Variants in WDR33 observed in about 807,000 individuals in gnomAD.
The protein encoded by WDR33 is pre-mRNA 3' end processing protein WDR33.
A neutral mutation model predicts 164.9 loss-of-function variants in WDR33; 47 were observed. That is an observed-to-expected ratio of 0.29 (90% confidence interval 0.23 to 0.36). WDR33 has a LOEUF of 0.36. WDR33 is among the 10% of genes least tolerant of loss of function. The probability of loss-of-function intolerance (pLI) is 1.00; values close to 1 mark genes in which losing one functional copy is unlikely to be tolerated. For missense variants in WDR33, 1,137 were observed against 1,754.1 expected, an observed-to-expected ratio of 0.65 and a Z score of 6.28; for synonymous variants, 505 against 589.0, an observed-to-expected ratio of 0.86 and a Z score of 2.06.
At chr2:127,804,932 C>T (rs552638768) in intron 1 of WDR33, among the ~76,000 whole-genome samples, 6 of 152,232 alleles carry the variant, frequency 3.9e-5, no homozygotes, top group Non-Finnish European at 7.4e-5. Context: ...ATCCAATGGA[C>T]ACATTAACCA....
At chr2:127,781,566 T>G (rs1688370252) in intron 1 of WDR33, among the ~76,000 whole-genome samples, 1 of 152,188 alleles carries the variant, frequency 6.6e-6, no homozygotes, top group Non-Finnish European at 1.5e-5. Context: ...TGGGAGAAAC[T>G]GGGTAACATA....
At position 127,764,265 on chromosome 2, in the gene WDR33, C is replaced by T; in HGVS notation, c.626+563G>A. On this transcript the variant is annotated intron_variant, in intron 6 of 21. Transcript: ENST00000322313. The surrounding 1 kb of genome is among the most constrained non-coding windows in gnomAD (Gnocchi z 6.2). ...GTCCTAGAGTCTTCTTGACAATGAT[C>T]TGCTTACAGCTGCAAAGCTTGAAGA... 1 of 1,212,168 alleles carries T rather than the reference C, an allele frequency of 8.2e-7. No homozygotes were observed. The highest frequency in any genetic ancestry group is 2.9e-5 in the South Asian group (1 of 34,202). The allele number at this position is 1,212,168 out of a possible 1,614,324, so 75.1% of individuals were successfully genotyped here. A position where few individuals can be genotyped will look rare whatever the true frequency, so the allele number is the denominator to read the frequency against.
At position 127,717,244 on chromosome 2, in the gene WDR33, G is replaced by A. The variant is rs191991572; in HGVS notation, c.2780C>T (p.Pro927Leu). 20 of 1,600,444 alleles carry A rather than the reference G, an allele frequency of 1.2e-5. No homozygotes were observed. The Admixed American group carries it at 3.0e-4, about 24-fold the overall frequency. The part of the protein sequence containing the change: ...PFNQEGQSTG[P>L]PPLIPGLGQQ... ...CCCTAGGCCTGGTATCAGGGGTGGG[G>A]GGCCTGTGCTCTGTCCTTCCTGAAA... The change falls in exon 17 of 22, where the codon CCC (proline) becomes CTC (leucine). Residue 927 changes from proline to leucine, a missense_variant. Physicochemically the swap from Pro to Leu is moderately conservative, Grantham distance 98. Around this residue, in one of 9 missense-constraint regions of WDR33, gnomAD observed 867 missense variants for 1,073.0 expected, o/e 0.81. Transcript: ENST00000322313. This position sits in a 1 kb window ranked among gnomAD's most constrained non-coding sequence, Gnocchi z 5.6.
rs1279774968 is a variant in WDR33, at chr2:127,709,706, C to A, written c.3459G>T (p.Arg1153=). Residue 1153 remains arginine, a synonymous_variant, in exon 19 of 22, where the codon CGG becomes CGT. Transcript: ENST00000322313. This position sits in a 1 kb window ranked among gnomAD's most constrained non-coding sequence, Gnocchi z 5.0. ...TAACTCGCTCACCTCGTGGGGTACCCCGACCTCGACCTCTGAGATCTCGTC... is the reference window on the plus strand; with the variant it reads ...TAACTCGCTCACCTCGTGGGGTACCACGACCTCGACCTCTGAGATCTCGTC... ...ARGRDLRGRG[R]GTPRGGRKGL... The A allele has an allele frequency of 5.0e-6, 8 of 1,614,238 alleles. No individual in the cohort carries two copies. The highest frequency in any genetic ancestry group is 6.8e-6 in the Non-Finnish European group (8 of 1,180,050).
rs1456095586 is a variant in WDR33 at position 127,735,910 on chromosome 2, A to C, written c.725-9133T>G. On this transcript the variant is annotated intron_variant, in intron 7 of 21. Transcript: ENST00000322313. The surrounding 1 kb of genome is among the most constrained non-coding windows in gnomAD (Gnocchi z 4.3). ...TTTGTTGTCCAGTCTAGAAAGTTAC[A>C]TCAGTGAAAAACTATAGAATTAAAT... 1 of 985,354 alleles carries C rather than the reference A, an allele frequency of 1.0e-6. No homozygotes were observed. Among genetic ancestry groups the C allele is most frequent in the Non-Finnish European group, 1.2e-6 (1 of 829,936 alleles). 61.0% of individuals were successfully genotyped at this position (985,354 alleles called of 1,614,324 possible).
chr2:127,713,674 G>A lies in WDR33; in HGVS notation c.3217C>T (p.Pro1073Ser), dbSNP rs145945303. The A allele has an allele frequency of 2.5e-5, 41 of 1,614,096 alleles. No individual in the cohort carries two copies. In the African/African-American group the frequency reaches 4.3e-4, roughly 17 times the overall value. Residue 1073 changes from proline (P) to serine (S), a missense_variant, in exon 18 of 22, where the codon CCT (proline) becomes TCT (serine). Coordinates refer to ENST00000322313, the MANE Select transcript of WDR33 (RefSeq NM_018383.5). The surrounding 1 kb of genome is among the most constrained non-coding windows in gnomAD (Gnocchi z 6.2). ...CTGCGGCCTTCCCATGCCCCCGGAG[G>A]GCCTCGGGCTGCACCCCGGCCATCC... is the stretch of plus-strand genomic sequence containing the variant. ...EGDGRGAARG[P>S]PGAWEGRRPG...
In WDR33 at chr2:127,720,601, G is replaced by A. The variant is rs188356108; in HGVS notation, c.1672-248C>T. ...TTTTTTTTCCTTATTTTTTTTTTCTGTCCCCCAAGCTGGAATGCAGTGGTA... is the reference window on the plus strand; with the variant it reads ...TTTTTTTTCCTTATTTTTTTTTTCTATCCCCCAAGCTGGAATGCAGTGGTA... On this transcript the variant is annotated intron_variant, in intron 15 of 21. Transcript: ENST00000322313. This position sits in a 1 kb window ranked among gnomAD's most constrained non-coding sequence, Gnocchi z 5.9. Among the ~76,000 whole-genome samples the A allele has an allele frequency of 1.7e-3, 253 of 147,116 alleles. 1 individual carries two copies. The highest frequency in any genetic ancestry group is 5.7e-3 in the African/African-American group (227 of 39,814).
intron 1 of WDR33, among the ~76,000 whole-genome samples, chr2:127,788,525 G>A (rs1439754608): frequency 1.8e-5 from 2 of 112,126 alleles, no homozygotes; most frequent in Non-Finnish European, 3.6e-5. Context: ...TGGGGGGGCT[G>A]ACCCCCCCAT....
chr2:127,782,288 A>G (rs1238224928), intron 1 of WDR33, among the ~76,000 whole-genome samples: 1 of 151,882 alleles, frequency 6.6e-6, no homozygotes, highest in Non-Finnish European at 1.5e-5. Context: ...CACATCTGTA[A>G]TATCAGCTAC....
intron 7 of WDR33, among the ~76,000 whole-genome samples, chr2:127,750,957 C>G (rs894800585): frequency 4.0e-5 from 6 of 151,608 alleles, no homozygotes; most frequent in African/African-American, 1.5e-4. Flanking sequence ...AGTGAATACT[C>G]TTGATAAATT....
chr2:127,768,730 A>T (rs557816154), intron 3 of WDR33, among the ~76,000 whole-genome samples: 11 of 152,304 alleles, frequency 7.2e-5, no homozygotes, highest in African/African-American at 2.4e-4. Context: ...TTCACCCATC[A>T]TTAGATTAAA....
chr2:127,724,285 T>C lies in WDR33; in HGVS notation c.1196+48A>G, dbSNP rs1686510876. Reference sequence around the variant, plus strand: ...TAAAAATAAACACATACAGTATTTATTTCCTGTTGCTCCATATAAAGCTTT... The same window carrying C: ...TAAAAATAAACACATACAGTATTTACTTCCTGTTGCTCCATATAAAGCTTT... On this transcript the variant is annotated intron_variant, in intron 11 of 21. Transcript: ENST00000322313. This position sits in a 1 kb window ranked among gnomAD's most constrained non-coding sequence, Gnocchi z 4.8. 7.1e-7 allele frequency: 1 copy of C among 1,413,030 alleles called. No homozygotes were observed. Among genetic ancestry groups the C allele is most frequent in the East Asian group, 2.3e-5 (1 of 43,734 alleles). The allele number at this position is 1,413,030 out of a possible 1,614,324, so 87.5% of individuals were successfully genotyped here. A position where few individuals can be genotyped will look rare whatever the true frequency, so the allele number is the denominator to read the frequency against.
chr2:127,726,441 G>C lies in WDR33; in HGVS notation c.851+210C>G, dbSNP rs943812767. ...TATATAACAACCAAATTAAACTTAG[G>C]TCTATGTGGCAGGACAAAAACAAGC... On this transcript the variant is annotated intron_variant, in intron 8 of 21. Coordinates refer to ENST00000322313, the MANE Select transcript of WDR33 (RefSeq NM_018383.5). This position sits in a 1 kb window ranked among gnomAD's most constrained non-coding sequence, Gnocchi z 4.8. Among the ~76,000 whole-genome samples the C allele has an allele frequency of 6.6e-6, 1 of 152,104 alleles. No homozygotes were observed. Among genetic ancestry groups the C allele is most frequent in the Non-Finnish European group, 1.5e-5 (1 of 68,018 alleles).
chr2:127,760,640 A>C (rs1421026906), intron 7 of WDR33, among the ~76,000 whole-genome samples: 1 of 152,228 alleles, frequency 6.6e-6, no homozygotes, highest in Non-Finnish European at 1.5e-5. Flanking sequence ...GGAATCTAAT[A>C]ACTCTTCTCC....
At chr2:127,771,787 AGGAGGGAG>A (rs551989792) in intron 1 of WDR33, among the ~76,000 whole-genome samples, 10 of 128,546 alleles carry the variant, frequency 7.8e-5, no homozygotes, top group Non-Finnish European at 9.8e-5. Context: ...GAAAGAAGGA[AGGAGGGAG>A]GGAGGGAGGG....
intron 7 of WDR33, among the ~76,000 whole-genome samples, chr2:127,750,768 A>ATATG (rs1687333753): frequency 7.1e-6 from 1 of 140,560 alleles, no homozygotes; most frequent in Non-Finnish European, 1.5e-5. Context: ...ACATACATAT[A>ATATG]TATACACATA....
At chr2:127,711,751 G>GATATATATATATCTATATATATAT (rs1686170226) in intron 18 of WDR33, among the ~76,000 whole-genome samples, 1 of 71,636 alleles carries the variant, frequency 1.4e-5, no homozygotes, top group Non-Finnish European at 2.3e-5. Flanking sequence ...CACATATACA[G>GATATATATATATCTATATATATAT]ATATATATAT....
Position 127,773,762 on chromosome 2 carries a change from T to C in WDR33, c.-23-2758A>G, listed in dbSNP as rs369990566. On this transcript the variant is annotated intron_variant, in intron 1 of 21. Transcript: ENST00000322313. ...CAGTAATTCTAAAATAAAGCAGTTC[T>C]GGTAAGCATTTTTTTATTTGAGATG... Among the ~76,000 whole-genome samples, 46 of 152,268 alleles carry C rather than the reference T, an allele frequency of 3.0e-4. No individual in the cohort carries two copies. The East Asian group carries it at 7.1e-3, about 24-fold the overall frequency.
At chr2:127,782,090 T>C (rs1688391382) in intron 1 of WDR33, among the ~76,000 whole-genome samples, 1 of 150,794 alleles carries the variant, frequency 6.6e-6, no homozygotes, top group Non-Finnish European at 1.5e-5. Context: ...TACAAATTTG[T>C]GGATCACTAA....
Sources: allele counts gnomAD v4.1 joint callset (sites outside exome capture counted in the v4.1 genomes callset), GRCh38; gene constraint gnomAD v4.1.1; regional missense constraint gnomAD v4.1.1; non-coding constraint Gnocchi (gnomAD v3.1); transcripts MANE v1.5; gene names NCBI Gene and HGNC (gene_info 2026-07-23, HGNC 2026-07-21).